The following DIXDC1 variants were observed in gnomAD, a reference collection of about 807,000 sequenced individuals.
The protein encoded by DIXDC1 is DIX domain containing 1, also known as dixin.
DIXDC1 carries 64 observed loss-of-function variants against 103.1 expected under a neutral mutation model. The observed-to-expected ratio is 0.62, with a 90% confidence interval of 0.51 to 0.76. DIXDC1 has a LOEUF of 0.76. Among genes scored for constraint, DIXDC1 ranks in the 30% least tolerant of loss-of-function variants. DIXDC1 has a pLI of 0.00. For missense variants in DIXDC1, 759 were observed against 834.2 expected (o/e 0.91, Z 1.11); for synonymous variants, 266 against 298.5 (o/e 0.89, Z 1.12).
chr11:111,952,459 C>A (rs1181495179), intron 1 of DIXDC1, among the ~76,000 whole-genome samples: 4 of 152,126 alleles, frequency 2.6e-5, no homozygotes, highest in African/African-American at 9.6e-5. Flanking sequence ...TTTGGGAGGC[C>A]AAGGTGGGAG....
chr11:111,975,177 G>A, intron 5 of DIXDC1, 194 bp downstream of exon 5: 1 of 1,382,384 alleles, frequency 7.2e-7, no homozygotes, highest in Non-Finnish European at 9.4e-7. Flanking sequence ...GTGGGGTGCT[G>A]GTTTATTTCC....
chr11:111,999,919 T>C (rs1861014655), intron 17 of DIXDC1, among the ~76,000 whole-genome samples: 2 of 152,270 alleles, frequency 1.3e-5, no homozygotes, highest in African/African-American at 4.8e-5. Flanking sequence ...GCGGATCACC[T>C]GAGGTCAGGA....
chr11:111,940,954 A>G (rs1282759337), intron 1 of DIXDC1, among the ~76,000 whole-genome samples: 1 of 152,226 alleles, frequency 6.6e-6, no homozygotes, highest in Non-Finnish European at 1.5e-5. Context: ...CTCACAGACC[A>G]GTGAAGAGGA....
At chr11:111,978,391 G>A (rs927817585) in intron 5 of DIXDC1, among the ~76,000 whole-genome samples, 3 of 152,120 alleles carry the variant, frequency 2.0e-5, no homozygotes. Flanking sequence ...GCAGCAGGGT[G>A]CCTGCTCTGA....
chr11:111,988,938 G>A (rs1860597528), intron 9 of DIXDC1, 67 bp from the exon 10 acceptor site: 2 of 1,390,666 alleles, frequency 1.4e-6, no homozygotes, highest in Non-Finnish European at 2.0e-6. Context: ...CTTGCCGACA[G>A]AATGAGGTAA....
chr11:111,995,414 G>A lies in DIXDC1; in HGVS notation c.1539G>A (p.Leu513=), dbSNP rs1555175222. ...TSVSNRGTSD[L]QLVRDALRSL... Reference sequence around the variant, plus strand: ...ATTTTTGCCCACAGACCAGCGACCTGCAGCTTGTTCGAGATGCTCTCCGCA... The same window carrying A: ...ATTTTTGCCCACAGACCAGCGACCTACAGCTTGTTCGAGATGCTCTCCGCA... Residue 513 remains leucine, a synonymous_variant, in exon 16 of 20, where the codon CTG becomes CTA. Transcript: ENST00000440460. The A allele has an allele frequency of 4.3e-6, 7 of 1,612,402 alleles. No homozygotes were observed. Among genetic ancestry groups the A allele is most frequent in the African/African-American group, 1.3e-5 (1 of 75,046 alleles).
rs751814861 is a variant in DIXDC1 at position 111,969,952 on chromosome 11, C to A, written c.316+1314C>A. ...ATCTCTCTTCACTGATGATATGATTCTATACCTAGAAAACCCCAAAAGCCT... is the reference window on the plus strand; with the variant it reads ...ATCTCTCTTCACTGATGATATGATTATATACCTAGAAAACCCCAAAAGCCT... On this transcript the variant is annotated intron_variant, in intron 3 of 19. Coordinates refer to ENST00000440460, the MANE Select transcript of DIXDC1 (RefSeq NM_001037954.4). Among the ~76,000 whole-genome samples the A allele has an allele frequency of 3.4e-4, 51 of 152,166 alleles. 1 individual carries two copies. Among genetic ancestry groups the A allele is most frequent in the Non-Finnish European group, 6.5e-4 (44 of 68,016 alleles).
intron 1 of DIXDC1, among the ~76,000 whole-genome samples, chr11:111,963,093 C>G (rs1482205817): frequency 6.6e-6 from 1 of 152,238 alleles, no homozygotes; most frequent in Non-Finnish European, 1.5e-5. Flanking sequence ...AGAGAAGTTA[C>G]ATAACCTCTC....
At chr11:111,995,847 C>T (rs997989952) in intron 16 of DIXDC1, among the ~76,000 whole-genome samples, 4 of 152,184 alleles carry the variant, frequency 2.6e-5, no homozygotes, top group African/African-American at 9.7e-5. Flanking sequence ...TCCCCTCCCA[C>T]CTACCCCTGA....
intron 1 of DIXDC1, among the ~76,000 whole-genome samples, chr11:111,951,897 A>G (rs1224593586): frequency 1.4e-5 from 2 of 143,458 alleles, no homozygotes; most frequent in South Asian, 4.4e-4. Flanking sequence ...ATGGAGTCTC[A>G]CTCTGTCACC....
At chr11:111,935,887 C>G (rs1555168072), upstream of DIXDC1, among the ~76,000 whole-genome samples, 1 of 152,268 alleles carries the variant, frequency 6.6e-6, no homozygotes, top group African/African-American at 2.4e-5. Flanking sequence ...TGCTGGCCCT[C>G]TGCCCCCTGC....
At chr11:112,000,629 G>A (rs1182653682) in intron 17 of DIXDC1, among the ~76,000 whole-genome samples, 1 of 151,864 alleles carries the variant, frequency 6.6e-6, no homozygotes, top group African/African-American at 2.4e-5. Context: ...TCTGGGAGGC[G>A]GAGGTTGCAG....
chr11:112,004,601 C>G (rs898389562), intron 17 of DIXDC1, among the ~76,000 whole-genome samples: 3 of 152,164 alleles, frequency 2.0e-5, no homozygotes, highest in African/African-American at 7.2e-5. Flanking sequence ...CATCCCCCAC[C>G]ACCAGGGGAG....
intron 1 of DIXDC1, among the ~76,000 whole-genome samples, chr11:111,952,779 C>A (rs1177931718): frequency 2.0e-5 from 3 of 151,078 alleles, no homozygotes; most frequent in Non-Finnish European, 4.4e-5. Context: ...GAGATCACAC[C>A]ACTACACTCC....
chr11:112,012,982 TAGTC>T (rs1442195846), intron 17 of DIXDC1, among the ~76,000 whole-genome samples: 2 of 152,234 alleles, frequency 1.3e-5, no homozygotes, highest in African/African-American at 4.8e-5. Flanking sequence ...ACATTTGTAT[TAGTC>T]AGCTTGGGCT....
chr11:111,950,993 T>A (rs1555169916), intron 1 of DIXDC1, among the ~76,000 whole-genome samples: 3 of 152,052 alleles, frequency 2.0e-5, no homozygotes, highest in African/African-American at 7.3e-5. Flanking sequence ...TAAGGTTTTT[T>A]AAAATAAATT....
chr11:112,002,032 C>T (rs1861084407), intron 17 of DIXDC1, among the ~76,000 whole-genome samples: 1 of 152,030 alleles, frequency 6.6e-6, no homozygotes, highest in Admixed American at 6.6e-5. Context: ...GTTGGGATTA[C>T]AGGGGTGAGC....
rs1013839961 is a variant in DIXDC1 at position 111,968,733 on chromosome 11, G to A, written c.316+95G>A. ...CTTGGCTGTAACCTGGGGGAAGATA[G>A]AAAGTCTCCATTCATTTTATTTTAT... On this transcript the variant is annotated intron_variant, in intron 3 of 19. Coordinates refer to ENST00000440460, the MANE Select transcript of DIXDC1 (RefSeq NM_001037954.4). The A allele has an allele frequency of 3.1e-5, 39 of 1,269,298 alleles. 1 individual carries two copies. The Admixed American group carries it at 1.2e-3, about 39-fold the overall frequency. The allele number at this position is 1,269,298 out of a possible 1,614,324, so 78.6% of individuals were successfully genotyped here.
chr11:111,976,378 C>A lies in DIXDC1; in HGVS notation c.656+1395C>A, dbSNP rs1459484008. Among the ~76,000 whole-genome samples, 1 of 152,174 alleles carries A rather than the reference C, an allele frequency of 6.6e-6. No individual in the cohort carries two copies. Among genetic ancestry groups the A allele is most frequent in the African/African-American group, 2.4e-5 (1 of 41,438 alleles). On this transcript the variant is annotated intron_variant, in intron 5 of 19. Transcript: ENST00000440460. The surrounding 1 kb of genome is among the most constrained non-coding windows in gnomAD (Gnocchi z 4.3). ...AATGAGGGGCCCACCGGCTATCAGGCTGCAGTGAGCTAATGGTGACAGTTT... is the reference window on the plus strand; with the variant it reads ...AATGAGGGGCCCACCGGCTATCAGGATGCAGTGAGCTAATGGTGACAGTTT...
Sources: gnomAD v4.1 joint callset for allele counts (sites outside exome capture counted in the v4.1 genomes callset) on GRCh38, gnomAD v4.1.1 for gene constraint, Gnocchi (gnomAD v3.1) non-coding constraint, MANE v1.5 for transcripts, NCBI Gene and HGNC (gene_info 2026-07-23, HGNC 2026-07-21) for gene names.